Variants in OTULIN observed in about 807,000 individuals in gnomAD.
OTULIN encodes ubiquitin thioesterase otulin.
Under a neutral mutation model 39.6 loss-of-function variants are expected in OTULIN, and 15 were observed. The ratio of observed to expected loss-of-function variants is 0.38; its 90% CI spans 0.25 to 0.58. OTULIN has a LOEUF of 0.58. Ranked by LOEUF, OTULIN falls within the 20% of genes least tolerant of loss-of-function variation. The pLI, the probability that OTULIN is intolerant of heterozygous loss-of-function variation, is 0.66. For synonymous variants in OTULIN, 156 were observed against 170.3 expected (o/e 0.92, Z 0.65); for missense variants, 319 against 445.9 (o/e 0.72, Z 2.56).
chr5:14,713,337 G>A, the OTULIN span, among the ~76,000 whole-genome samples: 6 of 152,204 alleles, frequency 3.9e-5, no homozygotes, highest in African/African-American at 1.4e-4. This position sits in a 1 kb window ranked among gnomAD's most constrained non-coding sequence, Gnocchi z 4.4. Flanking sequence ...GCTATTATTC[G>A]TGTCTGGGCC....
chr5:14,676,132 C>T (rs553535956), intron 2 of OTULIN, among the ~76,000 whole-genome samples: 5 of 152,326 alleles, frequency 3.3e-5, no homozygotes, highest in African/African-American at 1.2e-4. Context: ...GTTTTAACTT[C>T]CCGCCTTCTG....
At chr5:14,684,555 C>A (rs1178488390) in intron 4 of OTULIN, among the ~76,000 whole-genome samples, 1 of 152,210 alleles carries the variant, frequency 6.6e-6, no homozygotes, top group Non-Finnish European at 1.5e-5. Flanking sequence ...CTCTGGCCCC[C>A]CTGGCCCCAC....
In OTULIN at chr5:14,693,768, AG is replaced by A. The variant is rs1736594874; in HGVS notation, c.*722del. On this transcript the variant is annotated 3_prime_UTR_variant, in exon 7 of 7. Transcript: ENST00000284274. The stretch of plus-strand genomic sequence containing the variant: ...GCATTTTTGAAGACTGGAGGAGCGT[AG>A]GAGGGAGTGGTGAGGGAACCTAGAA... The A allele has an allele frequency of 6.6e-6, 1 of 152,238 alleles. No individual in the cohort carries two copies. Among genetic ancestry groups the A allele is most frequent in the African/African-American group, 2.4e-5 (1 of 41,440 alleles). The allele number at this position is 152,238 out of a possible 1,614,324, so 9.4% of individuals were successfully genotyped here. A position where few individuals can be genotyped will look rare whatever the true frequency, so the allele number is the denominator to read the frequency against.
At chr5:14,704,785 A>G (rs918984780), downstream of OTULIN, 1 of 152,208 alleles carries the variant, frequency 6.6e-6, no homozygotes, top group Non-Finnish European at 1.5e-5. Flanking sequence ...AAAAATCAAG[A>G]AACTAAAAGC....
chr5:14,667,792 G>A (rs1735888281), intron 1 of OTULIN, among the ~76,000 whole-genome samples: 1 of 152,200 alleles, frequency 6.6e-6, no homozygotes, highest in African/African-American at 2.4e-5. Flanking sequence ...TCCTGGACAA[G>A]TCCTAAGGAT....
At chr5:14,692,600 GTTTTGTTAATTGT>G (rs928684918) in intron 6 of OTULIN, among the ~76,000 whole-genome samples, 2 of 149,470 alleles carry the variant, frequency 1.3e-5, no homozygotes, top group African/African-American at 2.5e-5. Flanking sequence ...TTGGTTTTTT[GTTTTGTTAATTGT>G]TGTAAAAGTT....
At chr5:14,678,969 A>G (rs1736176570) in intron 3 of OTULIN, among the ~76,000 whole-genome samples, 194 bp downstream of exon 3, 1 of 152,240 alleles carries the variant, frequency 6.6e-6, no homozygotes, top group Non-Finnish European at 1.5e-5. Context: ...TTAATATAGA[A>G]TCAGCATCAG....
downstream of OTULIN, among the ~76,000 whole-genome samples, chr5:14,704,199 G>A (rs1423964753): frequency 2.6e-5 from 4 of 151,824 alleles, no homozygotes; most frequent in Admixed American, 6.6e-5. Flanking sequence ...GCGTGGTGAC[G>A]TGTGCCTATA....
At position 14,677,280 on chromosome 5, in the gene OTULIN, C is replaced by A. The variant is rs890045719; in HGVS notation, c.230-1401C>A. ...TCCATAAGCCCCTTGAGGATAGAAT[C>A]CTGTCTTCATCACCTTTTATCCCCA... On this transcript the variant is annotated intron_variant, in intron 2 of 6. Coordinates refer to ENST00000284274, the MANE Select transcript of OTULIN (RefSeq NM_138348.6). Among the ~76,000 whole-genome samples, 61 of 152,164 alleles carry A rather than the reference C, an allele frequency of 4.0e-4. 1 individual carries two copies. Among genetic ancestry groups the A allele is most frequent in the Middle Eastern group, 3.2e-3 (1 of 316 alleles).
At chr5:14,711,356 C>T in the OTULIN span, 1 of 1,525,738 alleles carries the variant, frequency 6.6e-7, no homozygotes, top group Admixed American at 1.7e-5. Flanking sequence ...GATGGGGACA[C>T]TGCACAGCAG....
At position 14,698,137 on chromosome 5, in the gene OTULIN, C is replaced by T. The variant is rs1156900866; in HGVS notation, c.*5089C>T. ...TATAAAAATATTTTGGTATTGTTGC[C>T]TGCATTTTAGCCACTTCTAACTTTT... On this transcript the variant is annotated 3_prime_UTR_variant, in exon 7 of 7. Transcript: ENST00000284274. 6.6e-6 allele frequency: 1 copy of T among 152,116 alleles called. No individual in the cohort carries two copies. Among genetic ancestry groups the T allele is most frequent in the Non-Finnish European group, 1.5e-5 (1 of 68,028 alleles). The allele number at this position is 152,116 out of a possible 1,614,324, so 9.4% of individuals were successfully genotyped here. A position where few individuals can be genotyped will look rare whatever the true frequency, so the allele number is the denominator to read the frequency against.
chr5:14,698,242 A>G lies in OTULIN; in HGVS notation c.*5194A>G, dbSNP rs1736721862. 6.6e-6 allele frequency: 1 copy of G among 152,254 alleles called. No homozygotes were observed. Among genetic ancestry groups the G allele is most frequent in the South Asian group, 2.1e-4 (1 of 4,836 alleles). 9.4% of individuals were successfully genotyped at this position (152,254 alleles called of 1,614,324 possible). Reference sequence around the variant, plus strand: ...CGATGGTGTTTTTCTTCCATGGGTAAGCCATTGTGAATGGAGGCTGGTGGA... The same window carrying G: ...CGATGGTGTTTTTCTTCCATGGGTAGGCCATTGTGAATGGAGGCTGGTGGA... On this transcript the variant is annotated 3_prime_UTR_variant, in exon 7 of 7. Coordinates refer to ENST00000284274, the MANE Select transcript of OTULIN (RefSeq NM_138348.6).
intron 3 of OTULIN, 125 bp from the exon 4 acceptor site, chr5:14,681,339 A>G (rs917710256): frequency 2.3e-4 from 255 of 1,095,036 alleles, no homozygotes; most frequent in Non-Finnish European, 8.4e-5. Flanking sequence ...AGAAAGGGAC[A>G]TAAAACTCCA....
chr5:14,687,446 C>CT, intron 4 of OTULIN, 75 bp from the exon 5 acceptor site: 1 of 1,523,442 alleles, frequency 6.6e-7, no homozygotes, highest in South Asian at 1.3e-5. Context: ...TTTGTGGTTT[C>CT]TTACAGCTTG....
At chr5:14,713,016 G>T in the OTULIN span, 2 of 1,574,956 alleles carry the variant, frequency 1.3e-6, no homozygotes, top group Non-Finnish European at 1.7e-6. The surrounding 1 kb of genome is among the most constrained non-coding windows in gnomAD (Gnocchi z 4.4). Flanking sequence ...TTAAGGCCAA[G>T]TCAAGGCACA....
chr5:14,714,454 A>G, the OTULIN span, among the ~76,000 whole-genome samples: 1 of 152,200 alleles, frequency 6.6e-6, no homozygotes, highest in African/African-American at 2.4e-5. Context: ...CCTTGAAGAG[A>G]GGGCCTGTTA....
intron 1 of OTULIN, among the ~76,000 whole-genome samples, chr5:14,665,715 T>C (rs569864794): frequency 6.6e-6 from 1 of 152,210 alleles, no homozygotes; most frequent in Non-Finnish European, 1.5e-5. Context: ...TTGACAGATA[T>C]TTTAACTGGC....
At position 14,695,519 on chromosome 5, in the gene OTULIN, G is replaced by T. The variant is rs924580093; in HGVS notation, c.*2471G>T. ...GTCTTGCAAGAGTTTAGGAGTTTTGGACCCTGTGTATTGGCAGAAAAGTTA... is the reference window on the plus strand; with the variant it reads ...GTCTTGCAAGAGTTTAGGAGTTTTGTACCCTGTGTATTGGCAGAAAAGTTA... On this transcript the variant is annotated 3_prime_UTR_variant, in exon 7 of 7. Coordinates refer to ENST00000284274, the MANE Select transcript of OTULIN (RefSeq NM_138348.6). 10 of 152,208 alleles carry T rather than the reference G, an allele frequency of 6.6e-5. No homozygotes were observed. The highest frequency in any genetic ancestry group is 1.5e-4 in the Non-Finnish European group (10 of 68,028). The allele number at this position is 152,208 out of a possible 1,614,324, so 9.4% of individuals were successfully genotyped here.
In OTULIN at chr5:14,673,731, T is replaced by C; in HGVS notation, c.229+13T>C. 6.2e-7 allele frequency: 1 copy of C among 1,609,540 alleles called. No individual in the cohort carries two copies. The highest frequency in any genetic ancestry group is 8.5e-7 in the Non-Finnish European group (1 of 1,176,990). ...AGAGGGGCATCAGGTATGTTTGGAATTGTTTTATTTATAGAGTTCTTATTG... is the reference window on the plus strand; with the variant it reads ...AGAGGGGCATCAGGTATGTTTGGAACTGTTTTATTTATAGAGTTCTTATTG... On this transcript the variant is annotated intron_variant, in intron 2 of 6. Coordinates refer to ENST00000284274, the MANE Select transcript of OTULIN (RefSeq NM_138348.6).
Sources: gnomAD v4.1 joint callset for allele counts (sites outside exome capture counted in the v4.1 genomes callset) on GRCh38, gnomAD v4.1.1 for gene constraint, Gnocchi (gnomAD v3.1) non-coding constraint, MANE v1.5 for transcripts, NCBI Gene and HGNC (gene_info 2026-07-23, HGNC 2026-07-21) for gene names.